Variants in NVL observed in about 807,000 individuals in gnomAD.
NVL encodes nuclear VCP like, also known as nuclear valosin-containing protein-like.
NVL carries 84 observed loss-of-function variants against 110.2 expected under a neutral mutation model. That is an observed-to-expected ratio of 0.76 (90% CI 0.64 to 0.91). The LOEUF (loss-of-function observed/expected upper bound fraction) is 0.91. Among genes scored for constraint, NVL ranks in the 40% least tolerant of loss-of-function variants. The pLI is 0.00. For synonymous variants in NVL, 354 were observed against 361.1 expected (o/e 0.98, Z 0.22); for missense variants, 882 against 1,035.9 (o/e 0.85, Z 2.04).
At chr1:224,296,028 G>A (rs73130455) in intron 11 of NVL, among the ~76,000 whole-genome samples, 10,044 of 150,870 alleles carry the variant, frequency 0.067, 438 homozygotes, top group African/African-American at 0.11. Context: ...CTATTTGGGA[G>A]GCTTAAATGG....
chr1:224,233,112 T>C lies in NVL; in HGVS notation c.2455+89A>G. ...AAAACGTTAGCTTTAATATCATAGA[T>C]AATAGACACTAGAAAATGGTCATTT... On this transcript the variant is annotated intron_variant, in intron 21 of 22. Transcript: ENST00000281701. 4.6e-6 allele frequency: 5 copies of C among 1,088,246 alleles called. No individual in the cohort carries two copies. In the South Asian group the frequency reaches 7.2e-5, roughly 16 times the overall value. 67.4% of individuals were successfully genotyped at this position (1,088,246 alleles called of 1,614,324 possible). A position where few individuals can be genotyped will look rare whatever the true frequency, so the allele number is the denominator to read the frequency against.
At chr1:224,266,072 T>C (rs928346930) in intron 18 of NVL, among the ~76,000 whole-genome samples, 3 of 152,214 alleles carry the variant, frequency 2.0e-5, no homozygotes, top group Non-Finnish European at 2.9e-5. Context: ...AATTTTAGCA[T>C]TTTCTGTCTC....
At chr1:224,313,540 T>A (rs1669764560) in intron 4 of NVL, among the ~76,000 whole-genome samples, 1 of 152,136 alleles carries the variant, frequency 6.6e-6, no homozygotes, top group Non-Finnish European at 1.5e-5. Flanking sequence ...GGAAAGCAGT[T>A]GTAATGCATA....
chr1:224,254,184 C>T (rs897721576), intron 18 of NVL, among the ~76,000 whole-genome samples: 5 of 150,596 alleles, frequency 3.3e-5, no homozygotes, highest in Admixed American at 6.6e-5. Flanking sequence ...CTCTGCCTCC[C>T]GGGTTCAAGT....
chr1:224,274,895 T>G (rs1350453282), intron 17 of NVL, among the ~76,000 whole-genome samples: 1 of 152,150 alleles, frequency 6.6e-6, no homozygotes, highest in Non-Finnish European at 1.5e-5. Context: ...TTTTTTATCT[T>G]CATCATTTTA....
intron 20 of NVL, 39 bp downstream of exon 20, chr1:224,236,467 A>G: frequency 6.7e-7 from 1 of 1,488,094 alleles, no homozygotes; most frequent in South Asian, 1.1e-5. Flanking sequence ...AGGAAATTGA[A>G]CCCCAGAGAG....
At chr1:224,285,410 G>C (rs561336932) in intron 15 of NVL, among the ~76,000 whole-genome samples, 3 of 152,074 alleles carry the variant, frequency 2.0e-5, no homozygotes, top group Admixed American at 6.6e-5. Flanking sequence ...ACTCCAGCCT[G>C]GGCGACAGAA....
In NVL at chr1:224,294,357, C is replaced by CA. The variant is rs774880634; in HGVS notation, c.1234_1235insT (p.Arg412LeufsTer26). ...CAAAGCAGGGTCTAACGAGTCTGGT[C>CA]GATTAGTAGCTCCAATAACTAGGAC... is the stretch of plus-strand genomic sequence containing the variant. On this transcript the variant is annotated frameshift_variant, in exon 12 of 23. Transcript: ENST00000281701. LOFTEE classifies it high-confidence loss of function. 6.2e-7 allele frequency: 1 copy of CA among 1,613,888 alleles called. No homozygotes were observed. Among genetic ancestry groups the CA allele is most frequent in the East Asian group, 2.2e-5 (1 of 44,862 alleles).
chr1:224,327,051 G>A (rs1030363051), intron 1 of NVL, among the ~76,000 whole-genome samples: 3 of 152,166 alleles, frequency 2.0e-5, no homozygotes, highest in Non-Finnish European at 2.9e-5. Flanking sequence ...GCCAAGGTGG[G>A]AGATCGCTTA....
chr1:224,237,730 C>CTTTTTTTTTTTT (rs775411063), intron 19 of NVL, among the ~76,000 whole-genome samples: 1 of 130,100 alleles, frequency 7.7e-6, no homozygotes, highest in African/African-American at 2.9e-5. Flanking sequence ...TGCCTGGCTA[C>CTTTTTTTTTTTT]TTTTTTTTTT....
At chr1:224,319,524 A>G (rs1259887337) in intron 2 of NVL, among the ~76,000 whole-genome samples, 1 of 151,974 alleles carries the variant, frequency 6.6e-6, no homozygotes, top group Admixed American at 6.6e-5. Context: ...TCTTTGACCC[A>G]GAGTCTAGTC....
At chr1:224,255,046 A>G (rs1468785952) in intron 18 of NVL, among the ~76,000 whole-genome samples, 4 of 149,722 alleles carry the variant, frequency 2.7e-5, no homozygotes, top group African/African-American at 9.9e-5. Context: ...TACTTTTTGT[A>G]TTTTTGGTAG....
intron 17 of NVL, among the ~76,000 whole-genome samples, chr1:224,268,713 C>A (rs1412150936): frequency 6.6e-6 from 1 of 151,986 alleles, no homozygotes; most frequent in Non-Finnish European, 1.5e-5. Context: ...GAATGGAGTA[C>A]AATGGTGTGA....
At position 224,251,618 on chromosome 1, in the gene NVL, C is replaced by G. The variant is rs528604543; in HGVS notation, c.2183-1300G>C. ...TCGTGCCACTGCACTCCAGCCTGGG[C>G]GACAGAGCAAGACTCTTGTCTCAAA... On this transcript the variant is annotated intron_variant, in intron 18 of 22. Transcript: ENST00000281701. 1.2e-4 allele frequency among the ~76,000 whole-genome samples: 18 copies of G among 152,182 alleles called. No individual in the cohort carries two copies. In the South Asian group the frequency reaches 1.5e-3, roughly 12 times the overall value.
intron 21 of NVL, chr1:224,232,103 CTT>C (rs1659951247): frequency 6.6e-6 from 1 of 151,826 alleles, no homozygotes; most frequent in Admixed American, 6.6e-5. Flanking sequence ...AATCCCAGCA[CTT>C]TGGGAGGCCG....
chr1:224,296,258 T>C (rs1445343800), intron 11 of NVL, among the ~76,000 whole-genome samples: 1 of 152,166 alleles, frequency 6.6e-6, no homozygotes, highest in African/African-American at 2.4e-5. Context: ...TTTTTATTTA[T>C]TTTTAGAGGT....
At chr1:224,238,346 T>C (rs1660767915) in intron 19 of NVL, among the ~76,000 whole-genome samples, 1 of 152,132 alleles carries the variant, frequency 6.6e-6, no homozygotes, top group African/African-American at 2.4e-5. Flanking sequence ...AAGCTTTTCT[T>C]AGTGTAAAAC....
Position 224,233,229 on chromosome 1 carries a change from C to G in NVL, c.2427G>C (p.Met809Ile). 1 of 1,612,826 alleles carries G rather than the reference C, an allele frequency of 6.2e-7. No individual in the cohort carries two copies. The highest frequency in any genetic ancestry group is 1.7e-4 in the Middle Eastern group (1 of 6,058). The change falls in exon 21 of 23, where the codon ATG (methionine) becomes ATC (isoleucine). Residue 809 changes from methionine (M) to isoleucine (I), a missense_variant. Around this residue, in one of 4 missense-constraint regions of NVL, gnomAD observed 126 missense variants for 140.7 expected, o/e 0.90. Coordinates refer to ENST00000281701, the MANE Select transcript of NVL (RefSeq NM_002533.4). The stretch of plus-strand genomic sequence containing the variant: ...TTTCATTTCCACTCTTCTGTCTTGC[C>G]ATTTCCTGTCTCAGGGCACAGATAG... ...EASICALRQE[M>I]ARQKSGNEKG...
Position 224,326,434 on chromosome 1 carries a change from CAT to C in NVL, c.86_87del (p.Tyr29CysfsTer9). ...QYLTSNKCGKYVDIGVLASDL... is the reference protein window; with the variant it reads ...QYLTSNKCGKXVDIGVLASDL... ...TCAGACGCTAAGACTCCAATGTCCACATATTTGCCACATTTGTTACTGGTAAG... is the reference window on the plus strand; with the variant it reads ...TCAGACGCTAAGACTCCAATGTCCACATTTGCCACATTTGTTACTGGTAAG... On this transcript the variant is annotated frameshift_variant, in exon 2 of 23. Transcript: ENST00000281701. LOFTEE classifies it high-confidence loss of function. 6.2e-7 allele frequency: 1 copy of C among 1,612,534 alleles called. No individual in the cohort carries two copies. Among genetic ancestry groups the C allele is most frequent in the Non-Finnish European group, 8.5e-7 (1 of 1,178,998 alleles).
Sources: gnomAD v4.1 joint callset for allele counts (sites outside exome capture counted in the v4.1 genomes callset) on GRCh38, gnomAD v4.1.1 for gene constraint, gnomAD v4.1.1 regional missense constraint, MANE v1.5 for transcripts, NCBI Gene and HGNC (gene_info 2026-07-23, HGNC 2026-07-21) for gene names.